Variants in IFNGR2 observed in about 807,000 individuals in gnomAD.
IFNGR2 encodes interferon gamma receptor 2, also known as IFN-gamma receptor 2.
Under a neutral mutation model 41.1 loss-of-function variants are expected in IFNGR2, and 15 were observed. The observed-to-expected ratio is 0.37, with a 90% confidence interval of 0.24 to 0.56. The LOEUF is 0.56. IFNGR2 is among the 20% of genes least tolerant of loss of function. The probability of loss-of-function intolerance (pLI) is 0.81; values close to 1 mark genes in which losing one functional copy is unlikely to be tolerated. For missense variants in IFNGR2, 362 were observed against 415.7 expected (o/e 0.87, Z 1.12); for synonymous variants, 161 against 171.6 (o/e 0.94, Z 0.48).
Position 33,436,968 on chromosome 21 carries a change from AG to A in IFNGR2, c.*7del, listed in dbSNP as rs2083961056. On this transcript the variant is annotated 3_prime_UTR_variant, in exon 7 of 7. Transcript: ENST00000290219. ...ATGTTCTCCAAACGCTTTGAACCAA[AG>A]CATGGGCCTAGCCCACTGGCTCCCT... 1.2e-6 allele frequency: 2 copies of A among 1,613,966 alleles called. No individual in the cohort carries two copies. Among genetic ancestry groups the A allele is most frequent in the African/African-American group, 1.3e-5 (1 of 75,034 alleles).
At chr21:33,405,077 G>A (rs2083667822) in intron 1 of IFNGR2, among the ~76,000 whole-genome samples, 1 of 146,440 alleles carries the variant, frequency 6.8e-6, no homozygotes, top group African/African-American at 2.6e-5. Flanking sequence ...ACTCCCGCCT[G>A]GGCGACAGAG....
At chr21:33,416,925 C>CTTTTTTTT (rs554788768) in intron 2 of IFNGR2, among the ~76,000 whole-genome samples, 1 of 128,262 alleles carries the variant, frequency 7.8e-6, no homozygotes, top group African/African-American at 2.9e-5. Context: ...TTTTCTTTTT[C>CTTTTTTTT]TTTTTTTTTT....
chr21:33,405,493 T>C (rs377343254), intron 1 of IFNGR2, among the ~76,000 whole-genome samples: 3 of 152,094 alleles, frequency 2.0e-5, no homozygotes, highest in Admixed American at 6.6e-5. Flanking sequence ...CTAATGAGAG[T>C]TGATGATTGT....
chr21:33,428,162 A>C (rs1212505742), intron 4 of IFNGR2, among the ~76,000 whole-genome samples: 6 of 151,074 alleles, frequency 4.0e-5, no homozygotes, highest in African/African-American at 9.7e-5. Flanking sequence ...CCTGCTCTTG[A>C]CCACCATCTT....
intron 2 of IFNGR2, among the ~76,000 whole-genome samples, chr21:33,418,383 T>C (rs1413278325): frequency 2.0e-5 from 3 of 152,042 alleles, no homozygotes; most frequent in Non-Finnish European, 2.9e-5. Context: ...AAAAGAAACA[T>C]AGGTTAGGGT....
intron 1 of IFNGR2, among the ~76,000 whole-genome samples, chr21:33,413,134 C>G (rs576537738): frequency 2.0e-5 from 3 of 152,326 alleles, no homozygotes; most frequent in South Asian, 2.1e-4. Context: ...GCAGGCCTCT[C>G]TGTGTGACTG....
intron 2 of IFNGR2, among the ~76,000 whole-genome samples, chr21:33,416,275 G>A (rs187181946): frequency 6.6e-6 from 1 of 152,288 alleles, no homozygotes; most frequent in Non-Finnish European, 1.5e-5. Flanking sequence ...CCATCAGTAG[G>A]AAAGTGACCA....
intron 3 of IFNGR2, among the ~76,000 whole-genome samples, chr21:33,425,862 CT>C (rs2049657284): frequency 6.6e-6 from 1 of 152,212 alleles, no homozygotes; most frequent in South Asian, 2.1e-4. Flanking sequence ...GAATCCAGCC[CT>C]GCTGTTGTGA....
At chr21:33,427,827 A>C in intron 4 of IFNGR2, among the ~76,000 whole-genome samples, 1 of 138,140 alleles carries the variant, frequency 7.2e-6, no homozygotes, top group South Asian at 2.3e-4. Context: ...AATTTTAGAT[A>C]CTTCATCTCA....
At chr21:33,408,342 T>C (rs2083692550) in intron 1 of IFNGR2, among the ~76,000 whole-genome samples, 1 of 152,092 alleles carries the variant, frequency 6.6e-6, no homozygotes, top group East Asian at 1.9e-4. Flanking sequence ...GATTACAGTA[T>C]GCACCACCGC....
In IFNGR2 at chr21:33,403,505, C is replaced by T; in HGVS notation, c.-39C>T. On this transcript the variant is annotated 5_prime_UTR_variant, in exon 1 of 7. Coordinates refer to ENST00000290219, the MANE Select transcript of IFNGR2 (RefSeq NM_005534.4). ...CGGCTCCGCGGACCCCGAGCGGGGC[C>T]CCGGCCGCGACCTGAGCCGCCGCCG... 1 of 1,170,794 alleles carries T rather than the reference C, an allele frequency of 8.5e-7. No homozygotes were observed. Among genetic ancestry groups the T allele is most frequent in the Non-Finnish European group, 1.1e-6 (1 of 948,700 alleles). 72.5% of individuals were successfully genotyped at this position (1,170,794 alleles called of 1,614,324 possible).
At chr21:33,424,367 G>A (rs183068670) in intron 3 of IFNGR2, among the ~76,000 whole-genome samples, 1 of 152,250 alleles carries the variant, frequency 6.6e-6, no homozygotes. Context: ...ACAGAAGCAG[G>A]ATGTATCGTG....
chr21:33,423,021 A>G (rs924493343), intron 3 of IFNGR2, among the ~76,000 whole-genome samples: 1 of 149,730 alleles, frequency 6.7e-6, no homozygotes, highest in African/African-American at 2.5e-5. Flanking sequence ...GTGTTTGTTA[A>G]TGATCTTCCC....
intron 4 of IFNGR2, among the ~76,000 whole-genome samples, chr21:33,430,000 G>A (rs1356715711): frequency 3.3e-5 from 5 of 152,260 alleles, no homozygotes; most frequent in South Asian, 2.1e-4. Context: ...TTAGCCAGGC[G>A]TGGTGGTGGG....
At chr21:33,409,195 T>G (rs1487514244) in intron 1 of IFNGR2, among the ~76,000 whole-genome samples, 2 of 133,776 alleles carry the variant, frequency 1.5e-5, no homozygotes, top group African/African-American at 2.8e-5. Context: ...GAGGCCGGGC[T>G]CAGTGGCTCA....
Position 33,410,498 on chromosome 21 carries a change from C to T in IFNGR2, c.74-4390C>T, listed in dbSNP as rs190212966. On this transcript the variant is annotated intron_variant, in intron 1 of 6. Transcript: ENST00000290219. ...TTTTTTTTTTTTTGAGACAGAGTCT[C>T]GCTCTTGTCGCCCAAGCTGGAGTGC... Among the ~76,000 whole-genome samples the T allele has an allele frequency of 8.8e-5, 13 of 147,336 alleles. No individual in the cohort carries two copies. In the East Asian group the frequency reaches 1.0e-3, roughly 11 times the overall value.
chr21:33,418,511 T>C (rs1243727019), intron 2 of IFNGR2, among the ~76,000 whole-genome samples: 2 of 152,232 alleles, frequency 1.3e-5, no homozygotes, highest in African/African-American at 2.4e-5. Context: ...TACTTTGTTT[T>C]AGATACAAAC....
At chr21:33,416,021 A>G (rs2083751019) in intron 2 of IFNGR2, among the ~76,000 whole-genome samples, 3 of 152,134 alleles carry the variant, frequency 2.0e-5, no homozygotes, top group Admixed American at 6.6e-5. Context: ...ATGGCTGGCT[A>G]ATAGGTATAT....
chr21:33,423,263 A>T (rs1323950526), intron 3 of IFNGR2, among the ~76,000 whole-genome samples: 6 of 149,926 alleles, frequency 4.0e-5, no homozygotes, highest in Non-Finnish European at 4.4e-5. Flanking sequence ...ATGGTCTTGA[A>T]CTCCTGACCT....
Sources: allele counts gnomAD v4.1 joint callset (sites outside exome capture counted in the v4.1 genomes callset), GRCh38; gene constraint gnomAD v4.1.1; transcripts MANE v1.5; gene names NCBI Gene and HGNC (gene_info 2026-07-23, HGNC 2026-07-21).